TMEM26: variants seen among roughly 807,000 people sequenced by gnomAD.
TMEM26 encodes the protein transmembrane protein 26.
In TMEM26, 38 loss-of-function variants were observed where a neutral mutation model predicts 28.8. That is an observed-to-expected ratio of 1.32 (90% CI 1.02 to 1.73). The LOEUF is 1.73. Ranked by LOEUF, TMEM26 falls within the 40% of genes most tolerant of loss-of-function variation. The pLI, the probability that TMEM26 is intolerant of heterozygous loss-of-function variation, is 0.00. For synonymous variants in TMEM26, 227 were observed against 182.9 expected, an observed-to-expected ratio of 1.24 and a Z score of -1.95; for missense variants, 518 against 447.1, an observed-to-expected ratio of 1.16 and a Z score of -1.43.
chr10:61,448,484 T>A (rs1294131000), intron 1 of TMEM26, among the ~76,000 whole-genome samples: 1 of 152,244 alleles, frequency 6.6e-6, no homozygotes, highest in African/African-American at 2.4e-5. Flanking sequence ...TGGGACTATC[T>A]GTGTGGAACA....
chr10:61,447,785 C>T (rs1840209332), intron 1 of TMEM26, among the ~76,000 whole-genome samples: 1 of 152,162 alleles, frequency 6.6e-6, no homozygotes, highest in Non-Finnish European at 1.5e-5. Context: ...TCTAAGGCCT[C>T]AGCTCAAAGG....
At chr10:61,424,166 T>A (rs891797920) in intron 4 of TMEM26, among the ~76,000 whole-genome samples, 2 of 152,160 alleles carry the variant, frequency 1.3e-5, no homozygotes, top group Non-Finnish European at 2.9e-5. Context: ...AGCATGATAC[T>A]GTAAGGAGAA....
At chr10:61,427,952 T>C (rs1839858824) in intron 4 of TMEM26, among the ~76,000 whole-genome samples, 1 of 152,116 alleles carries the variant, frequency 6.6e-6, no homozygotes. Context: ...TTAGATTGGA[T>C]TTTTAAAAGA....
At chr10:61,431,146 T>G in intron 3 of TMEM26, 73 bp downstream of exon 3, 1 of 1,172,530 alleles carries the variant, frequency 8.5e-7, no homozygotes, top group Admixed American at 1.7e-5. Flanking sequence ...GAAGCATGTA[T>G]AGCAGGTAAT....
In TMEM26 at chr10:61,450,767, A is replaced by AT. The variant is rs575052086; in HGVS notation, c.191+2123dup. Among the ~76,000 whole-genome samples the AT allele has an allele frequency of 7.1e-3, 1,063 of 150,298 alleles. 28 individuals carry two copies. Among genetic ancestry groups the AT allele is most frequent in the East Asian group, 0.064 (328 of 5,140 alleles). On this transcript the variant is annotated intron_variant, in intron 1 of 5. Coordinates refer to ENST00000399298, the MANE Select transcript of TMEM26 (RefSeq NM_178505.8). ...CTGTTCTTCCAAAATAAAGGTGAGAATTTTTTTTTTGACGTTTTTGCCTGG... is the reference window on the plus strand; with the variant it reads ...CTGTTCTTCCAAAATAAAGGTGAGAATTTTTTTTTTTGACGTTTTTGCCTGG...
intron 3 of TMEM26, 44 bp from the exon 4 acceptor site, chr10:61,429,190 C>T (rs1839882151): frequency 6.6e-7 from 1 of 1,506,436 alleles, no homozygotes; most frequent in East Asian, 2.3e-5. Flanking sequence ...TCAGCCACCA[C>T]CTGAGAGAGA....
At chr10:61,435,882 C>T in intron 2 of TMEM26, among the ~76,000 whole-genome samples, 1 of 152,170 alleles carries the variant, frequency 6.6e-6, no homozygotes, top group Non-Finnish European at 1.5e-5. Flanking sequence ...GTAAACTCTA[C>T]CATCCTGTAG....
At chr10:61,436,652 G>A (rs539878991) in intron 1 of TMEM26, among the ~76,000 whole-genome samples, 2 of 152,230 alleles carry the variant, frequency 1.3e-5, no homozygotes, top group South Asian at 4.1e-4. Context: ...TTCAAGATAT[G>A]GCTACATTTT....
intron 3 of TMEM26, among the ~76,000 whole-genome samples, chr10:61,430,902 C>A (rs896194099): frequency 6.6e-6 from 1 of 151,824 alleles, no homozygotes; most frequent in Non-Finnish European, 1.5e-5. Flanking sequence ...ATTATCATAT[C>A]CCAATTTTTT....
chr10:61,452,772 G>A, intron 1 of TMEM26, 119 bp downstream of exon 1: 2 of 1,296,208 alleles, frequency 1.5e-6, no homozygotes, highest in Non-Finnish European at 2.2e-6. Context: ...CGATCAGCGA[G>A]GAAAAACGGG....
At chr10:61,451,031 T>A (rs1353746863) in intron 1 of TMEM26, among the ~76,000 whole-genome samples, 1 of 152,322 alleles carries the variant, frequency 6.6e-6, no homozygotes, top group East Asian at 1.9e-4. Flanking sequence ...AGACATTAAG[T>A]AGCCTGCTCA....
At position 61,436,249 on chromosome 10, in the gene TMEM26, C is replaced by T. The variant is rs1258960796; in HGVS notation, c.192-1G>A. On this transcript the variant is annotated splice_acceptor_variant, in intron 1 of 5. Coordinates refer to ENST00000399298, the MANE Select transcript of TMEM26 (RefSeq NM_178505.8). LOFTEE classifies it high-confidence loss of function. Reference sequence around the variant, plus strand: ...ATATAAAAATATGGCTGGTGAAAACCTGTGAAAAGAGAGAAGAAAAAATAG... The same window carrying T: ...ATATAAAAATATGGCTGGTGAAAACTTGTGAAAAGAGAGAAGAAAAAATAG... The T allele has an allele frequency of 6.4e-6, 10 of 1,574,144 alleles. No homozygotes were observed. Among genetic ancestry groups the T allele is most frequent in the African/African-American group, 1.4e-5 (1 of 72,472 alleles).
chr10:61,416,261 C>G (rs1839650887), intron 4 of TMEM26: 1 of 366,212 alleles, frequency 2.7e-6, no homozygotes, highest in Admixed American at 3.4e-5. Flanking sequence ...AATTTGCCTG[C>G]AAGGCAGTAG....
rs1426209306 is a variant in TMEM26, at chr10:61,409,788, C to T, written c.*534G>A. On this transcript the variant is annotated 3_prime_UTR_variant, in exon 6 of 6. Transcript: ENST00000399298. ...AAGGCCTGGGCAGCGATGAATAGGG[C>T]TCTCTATGATACGGAAGCTGGGCAG... The T allele has an allele frequency of 6.5e-6, 1 of 155,018 alleles. No individual in the cohort carries two copies. The highest frequency in any genetic ancestry group is 1.9e-4 in the East Asian group (1 of 5,228). 9.6% of individuals were successfully genotyped at this position (155,018 alleles called of 1,614,324 possible).
At position 61,452,922 on chromosome 10, in the gene TMEM26, G is replaced by C; in HGVS notation, c.160C>G (p.Leu54Val). The C allele has an allele frequency of 6.2e-6, 10 of 1,613,952 alleles. No homozygotes were observed. The highest frequency in any genetic ancestry group is 8.5e-6 in the Non-Finnish European group (10 of 1,179,884). The change falls in exon 1 of 6, where the codon CTC becomes GTC. Residue 54 changes from leucine to valine, a missense_variant. Transcript: ENST00000399298. Reference sequence around the variant, plus strand: ...TAGCCTCTGCCGCGCTTGAACTTGAGGGTGAGCGCAGTCTCCAGGAAGAGC... The same window carrying C: ...TAGCCTCTGCCGCGCTTGAACTTGACGGTGAGCGCAGTCTCCAGGAAGAGC... Reference protein sequence around the residue: ...LLLFLETALTLKFKRGRGYKW... With the variant: ...LLLFLETALTVKFKRGRGYKW...
Position 61,448,958 on chromosome 10 carries a change from G to A in TMEM26, c.191+3933C>T, listed in dbSNP as rs72825291. On this transcript the variant is annotated intron_variant, in intron 1 of 5. Transcript: ENST00000399298. ...CTTAGTAATTTTTTTCTATCCCTGAGGAATATTTTATTGGCTGGAAAGCAG... is the reference window on the plus strand; with the variant it reads ...CTTAGTAATTTTTTTCTATCCCTGAAGAATATTTTATTGGCTGGAAAGCAG... Among the ~76,000 whole-genome samples, 710 of 152,098 alleles carry A rather than the reference G, an allele frequency of 4.7e-3. 5 individuals carry two copies. The highest frequency in any genetic ancestry group is 5.7e-3 in the Non-Finnish European group (389 of 68,000).
rs532621135 is a variant in TMEM26 at position 61,447,014 on chromosome 10, C to T, written c.191+5877G>A. ...GCAAACACAATAAAATGAGGTACAC[C>T]TGTAGAATAAAACCTCAGATACACT... is the stretch of plus-strand genomic sequence containing the variant. On this transcript the variant is annotated intron_variant, in intron 1 of 5. Transcript: ENST00000399298. Among the ~76,000 whole-genome samples the T allele has an allele frequency of 3.3e-5, 5 of 152,050 alleles. No individual in the cohort carries two copies. In the South Asian group the frequency reaches 1.0e-3, roughly 32 times the overall value.
intron 1 of TMEM26, 72 bp downstream of exon 1, chr10:61,452,819 A>G: frequency 6.6e-7 from 1 of 1,515,008 alleles, no homozygotes; most frequent in Non-Finnish European, 9.0e-7. Flanking sequence ...TTGCGGGAAG[A>G]TGGCCTGCGA....
chr10:61,452,769 C>T, intron 1 of TMEM26, 122 bp downstream of exon 1: 1 of 1,267,992 alleles, frequency 7.9e-7, no homozygotes, highest in Non-Finnish European at 1.1e-6. Context: ...AAGCGATCAG[C>T]GAGGAAAAAC....
Sources: gnomAD v4.1 joint callset for allele counts (sites outside exome capture counted in the v4.1 genomes callset) on GRCh38, gnomAD v4.1.1 for gene constraint, MANE v1.5 for transcripts, NCBI Gene and HGNC (gene_info 2026-07-23, HGNC 2026-07-21) for gene names.